TG: variants seen among roughly 807,000 people sequenced by gnomAD.
TG encodes the protein thyroglobulin.
A neutral mutation model predicts 324.7 loss-of-function variants in TG; 270 were observed. The observed-to-expected ratio is 0.83, with a 90% CI of 0.75 to 0.92. The LOEUF is 0.92. Among genes scored for constraint, TG ranks in the 40% least tolerant of loss-of-function variants. The probability of loss-of-function intolerance (pLI) is 0.00; values close to 1 mark genes in which losing one functional copy is unlikely to be tolerated. For missense variants in TG, 3,591 were observed against 3,456.4 expected (o/e 1.04, Z -0.98); for synonymous variants, 1,401 against 1,327.0 (o/e 1.06, Z -1.21).
chr8:133,075,992 A>G (rs772497057), intron 41 of TG: 1 of 152,230 alleles, frequency 6.6e-6, no homozygotes, highest in Non-Finnish European at 1.5e-5. Flanking sequence ...TATTGCATAT[A>G]AAATCTCCCT....
Position 133,118,893 on chromosome 8 carries a change from C to T in TG, c.7862+2177C>T, listed in dbSNP as rs75771799. Among the ~76,000 whole-genome samples, 474 of 152,086 alleles carry T rather than the reference C, an allele frequency of 3.1e-3. 1 individual carries two copies. Among genetic ancestry groups the T allele is most frequent in the African/African-American group, 0.011 (436 of 41,456 alleles). ...GTGGGGAGATAATCCTGGATTATCC[C>T]GTGAGGGCCCTGAATGCAATCTTAA... On this transcript the variant is annotated intron_variant, in intron 45 of 47. Transcript: ENST00000220616.
intron 42 of TG, among the ~76,000 whole-genome samples, 178 bp downstream of exon 42, chr8:133,095,386 A>C (rs946742208): frequency 7.9e-5 from 12 of 152,126 alleles, no homozygotes; most frequent in African/African-American, 2.7e-4. Flanking sequence ...CACAGCCTGC[A>C]ACAGTCCAAA....
chr8:132,866,994 C>A lies in TG; in HGVS notation c.-7C>A. ...TCTCCTCCTTCCTCCCAGGAAGGGC[C>A]AGGAAAATGGCCCTGGTCCTGGAGA... On this transcript the variant is annotated 5_prime_UTR_variant, in exon 1 of 48. Coordinates refer to ENST00000220616, the MANE Select transcript of TG (RefSeq NM_003235.5). The A allele has an allele frequency of 6.3e-7, 1 of 1,589,794 alleles. No homozygotes were observed. The highest frequency in any genetic ancestry group is 8.6e-7 in the Non-Finnish European group (1 of 1,166,190).
intron 21 of TG, among the ~76,000 whole-genome samples, chr8:132,921,569 A>G (rs1821119018): frequency 6.6e-6 from 1 of 152,218 alleles, no homozygotes; most frequent in Admixed American, 6.5e-5. Flanking sequence ...CCAAGTTTTA[A>G]ATAATGCCAG....
At chr8:132,881,311 G>A (rs1017937402) in intron 5 of TG, among the ~76,000 whole-genome samples, 2 of 152,258 alleles carry the variant, frequency 1.3e-5, no homozygotes, top group East Asian at 3.9e-4. Context: ...TAGTGATGCT[G>A]TATTGATTTG....
At chr8:133,097,384 G>A (rs1357574447) in intron 43 of TG, among the ~76,000 whole-genome samples, 1 of 152,208 alleles carries the variant, frequency 6.6e-6, no homozygotes, top group East Asian at 1.9e-4. Context: ...TTGTGGCATT[G>A]ATTATTGTGG....
intron 20 of TG, among the ~76,000 whole-genome samples, chr8:132,914,342 G>A (rs1023888150): frequency 3.3e-5 from 5 of 152,200 alleles, no homozygotes; most frequent in Non-Finnish European, 7.3e-5. Context: ...GCTAAAGAAA[G>A]AGAAGATGTT....
chr8:132,897,435 G>A (rs887450197), intron 11 of TG, among the ~76,000 whole-genome samples: 5 of 152,210 alleles, frequency 3.3e-5, no homozygotes, highest in African/African-American at 9.6e-5. Context: ...ATTCTTTCAA[G>A]CTTCAGCCTA....
chr8:132,968,468 C>T (rs184169818), intron 31 of TG, among the ~76,000 whole-genome samples: 1 of 152,290 alleles, frequency 6.6e-6, no homozygotes, highest in Admixed American at 6.5e-5. Flanking sequence ...ATTTTCTCTC[C>T]CAGGCCATTA....
At chr8:132,999,630 G>A (rs891627391) in intron 35 of TG, among the ~76,000 whole-genome samples, 4 of 152,184 alleles carry the variant, frequency 2.6e-5, no homozygotes, top group African/African-American at 9.7e-5. Flanking sequence ...GCCTGTTTTT[G>A]TGTAGCCTAG....
chr8:133,024,199 C>T (rs1205773318), intron 40 of TG, among the ~76,000 whole-genome samples: 1 of 152,238 alleles, frequency 6.6e-6, no homozygotes, highest in Non-Finnish European at 1.5e-5. Flanking sequence ...ACAAGAAATA[C>T]TGTAGTGCAG....
rs376663317 is a variant in TG, at chr8:133,085,596, T to C, written c.7240-9448T>C. Reference sequence around the variant, plus strand: ...AGATGTACAAATGGGCCCATAAGCATAGCAAAAGATTCTTAACACTATTAG... The same window carrying C: ...AGATGTACAAATGGGCCCATAAGCACAGCAAAAGATTCTTAACACTATTAG... On this transcript the variant is annotated intron_variant, in intron 41 of 47. Coordinates refer to ENST00000220616, the MANE Select transcript of TG (RefSeq NM_003235.5). Among the ~76,000 whole-genome samples the C allele has an allele frequency of 1.4e-4, 22 of 152,272 alleles. 1 individual carries two copies. Among genetic ancestry groups the C allele is most frequent in the African/African-American group, 5.3e-4 (22 of 41,562 alleles).
intron 41 of TG, chr8:133,075,258 G>A: frequency 5.2e-6 from 2 of 384,178 alleles, no homozygotes; most frequent in Non-Finnish European, 7.1e-6. Flanking sequence ...CAATGGGGCT[G>A]TGAATTTGCT....
At chr8:132,953,942 T>C (rs1245897164) in intron 27 of TG, among the ~76,000 whole-genome samples, 4 of 150,890 alleles carry the variant, frequency 2.7e-5, no homozygotes, top group African/African-American at 9.8e-5. Flanking sequence ...TGCAAATGAA[T>C]GGAAAAAAGG....
intron 34 of TG, among the ~76,000 whole-genome samples, chr8:132,976,037 C>A (rs1277982877): frequency 6.6e-6 from 1 of 152,108 alleles, no homozygotes; most frequent in Non-Finnish European, 1.5e-5. Flanking sequence ...TTTCCTTAGA[C>A]ACAGTGTAGT....
rs1376641184 is a variant in TG, at chr8:133,132,165, G to T, written c.7997+219G>T. Reference sequence around the variant, plus strand: ...ATGAAGAAAAGCTCTAATTATACCAGCTGCATTTGATGACTCTAGATCGGG... The same window carrying T: ...ATGAAGAAAAGCTCTAATTATACCATCTGCATTTGATGACTCTAGATCGGG... On this transcript the variant is annotated intron_variant, in intron 46 of 47. Transcript: ENST00000220616. 2.0e-5 allele frequency among the ~76,000 whole-genome samples: 3 copies of T among 152,202 alleles called. No individual in the cohort carries two copies. The East Asian group carries it at 5.8e-4, about 29-fold the overall frequency.
intron 41 of TG, among the ~76,000 whole-genome samples, chr8:133,089,238 T>G (rs1382248923): frequency 1.3e-5 from 2 of 152,168 alleles, no homozygotes; most frequent in Non-Finnish European, 2.9e-5. Flanking sequence ...TCATTTCCAG[T>G]TCTCTTCTGT....
chr8:133,128,566 C>T (rs1851714096), intron 45 of TG, among the ~76,000 whole-genome samples: 1 of 152,130 alleles, frequency 6.6e-6, no homozygotes, highest in South Asian at 2.1e-4. Context: ...GATGATCAGA[C>T]CCATTTTACT....
At chr8:133,036,956 C>T (rs1837221221) in intron 41 of TG, 1 of 152,362 alleles carries the variant, frequency 6.6e-6, no homozygotes, top group Non-Finnish European at 1.5e-5. Flanking sequence ...ATTCATTTCT[C>T]ATACGTTGGC....
Sources: gnomAD v4.1 joint callset for allele counts (sites outside exome capture counted in the v4.1 genomes callset) on GRCh38, gnomAD v4.1.1 for gene constraint, MANE v1.5 for transcripts, NCBI Gene and HGNC (gene_info 2026-07-23, HGNC 2026-07-21) for gene names.